The following CDH26 variants were observed in gnomAD, a reference collection of about 807,000 sequenced individuals.
The protein encoded by CDH26 is cadherin-like protein 26.
CDH26 carries 83 observed loss-of-function variants against 90.3 expected under a neutral mutation model. The observed-to-expected ratio is 0.92, with a 90% CI of 0.77 to 1.10. CDH26 has a LOEUF of 1.10. CDH26 is among the 50% of genes least tolerant of loss of function. CDH26 has a pLI of 0.00. For synonymous variants in CDH26, 397 were observed against 396.3 expected (o/e 1.00, Z -0.02); for missense variants, 1,013 against 1,037.6 (o/e 0.98, Z 0.33).
At chr20:59,975,296 G>A (rs194985) in intron 4 of CDH26, among the ~76,000 whole-genome samples, 7,014 of 152,152 alleles carry the variant, frequency 0.046, 513 homozygotes, top group African/African-American at 0.15. Context: ...AGAGACAGAC[G>A]CAGAGGAGAA....
chr20:59,979,483 C>T (rs895851374), intron 4 of CDH26, among the ~76,000 whole-genome samples: 14 of 151,554 alleles, frequency 9.2e-5, no homozygotes, highest in South Asian at 6.3e-4. Flanking sequence ...AGGCGTGAGC[C>T]GCCGTGCCCA....
intron 7 of CDH26, among the ~76,000 whole-genome samples, chr20:60,029,826 T>C (rs2146035451): frequency 6.6e-6 from 1 of 152,288 alleles, no homozygotes; most frequent in East Asian, 1.9e-4. Flanking sequence ...CATTCTTTTT[T>C]ACGGCTGCAT....
chr20:59,994,150 A>T, intron 10 of CDH26, 100 bp from the exon 11 acceptor site: 2 of 1,462,834 alleles, frequency 1.4e-6, no homozygotes, highest in Non-Finnish European at 1.9e-6. Context: ...CAGTTCCAGT[A>T]TTTCAGGAAT....
intron 1 of CDH26, among the ~76,000 whole-genome samples, chr20:59,967,897 C>CT (rs1172515963): frequency 2.3e-4 from 28 of 120,850 alleles, no homozygotes; most frequent in Middle Eastern, 3.8e-3. Flanking sequence ...TCCTTCCTTC[C>CT]TTCCTTCCTT....
intron 4 of CDH26, among the ~76,000 whole-genome samples, chr20:59,978,835 A>G (rs899208541): frequency 6.6e-6 from 1 of 152,204 alleles, no homozygotes. Context: ...CACTTATTAG[A>G]TTTGATATGA....
At chr20:60,000,392 G>A (rs2061660374) in intron 14 of CDH26, among the ~76,000 whole-genome samples, 1 of 152,242 alleles carries the variant, frequency 6.6e-6, no homozygotes, top group South Asian at 2.1e-4. Flanking sequence ...AAATGAGCAT[G>A]TGCCTGGCCA....
exon 9 of CDH26, chr20:60,033,881 C>T: frequency 1.6e-6 from 1 of 618,972 alleles, no homozygotes; most frequent in South Asian, 3.2e-5. Context: ...TGGCAGTTCA[C>T]CATGTTTCTC....
At chr20:59,969,788 G>A (rs911836338) in intron 2 of CDH26, among the ~76,000 whole-genome samples, 2 of 152,218 alleles carry the variant, frequency 1.3e-5, no homozygotes, top group African/African-American at 4.8e-5. Flanking sequence ...CTATAGGACA[G>A]CCATTGGCAC....
rs2062015198 is a variant in CDH26, at chr20:60,028,419, G to C, written c.948-2812G>C. Among the ~76,000 whole-genome samples the C allele has an allele frequency of 3.3e-5, 5 of 152,248 alleles. No homozygotes were observed. The South Asian group carries it at 1.0e-3, about 31-fold the overall frequency. On this transcript the variant is annotated intron_variant, in intron 7 of 8. Coordinates refer to the CDH26 transcript ENST00000370991. Reference sequence around the variant, plus strand: ...GGAACTGGTTGTGGCTGAATCCCCAGGGCCTGACATGTAGTAGGCACTCTA... The same window carrying C: ...GGAACTGGTTGTGGCTGAATCCCCACGGCCTGACATGTAGTAGGCACTCTA...
intron 4 of CDH26, among the ~76,000 whole-genome samples, chr20:59,973,992 G>A (rs2061296792): frequency 6.6e-6 from 1 of 152,196 alleles, no homozygotes; most frequent in African/African-American, 2.4e-5. Context: ...AATGGTTGAA[G>A]TAATTTACAC....
At position 59,977,830 on chromosome 20, in the gene CDH26, C is replaced by T. The variant is rs1036297929; in HGVS notation, c.394-5093C>T. 4.9e-4 allele frequency among the ~76,000 whole-genome samples: 74 copies of T among 152,146 alleles called. 2 individuals are homozygous for T. The highest frequency in any genetic ancestry group is 3.7e-3 in the Admixed American group (56 of 15,274). ...ATTAGGCTTCACTCTTGGCATCTTA[C>T]GTTTTATGGGTTTCGACAAATGTGT... On this transcript the variant is annotated intron_variant, in intron 4 of 17. Transcript: ENST00000348616.
At position 60,029,833 on chromosome 20, in the gene CDH26, G is replaced by A. The variant is rs539003869; in HGVS notation, c.948-1398G>A. On this transcript the variant is annotated intron_variant, in intron 7 of 8. Coordinates refer to the CDH26 transcript ENST00000370991. ...CATGAACTCATTCTTTTTTACGGCTGCATAGTATTCCACGGTGTATATGTG... is the reference window on the plus strand; with the variant it reads ...CATGAACTCATTCTTTTTTACGGCTACATAGTATTCCACGGTGTATATGTG... Among the ~76,000 whole-genome samples the A allele has an allele frequency of 3.9e-3, 593 of 152,152 alleles. 3 individuals carry two copies. The highest frequency in any genetic ancestry group is 0.014 in the African/African-American group (561 of 41,486).
intron 5 of CDH26, among the ~76,000 whole-genome samples, chr20:59,983,875 A>G (rs1189831102): frequency 6.6e-6 from 1 of 152,116 alleles, no homozygotes; most frequent in Non-Finnish European, 1.5e-5. Context: ...GTAACCTGAT[A>G]TTTTTCTAAA....
Position 59,978,012 on chromosome 20 carries a change from A to G in CDH26, c.394-4911A>G, listed in dbSNP as rs537178615. Reference sequence around the variant, plus strand: ...TCCAGAAGGTTATATAGTTGGAATCATACACTATGTAGCCTTTTCAGACTG... The same window carrying G: ...TCCAGAAGGTTATATAGTTGGAATCGTACACTATGTAGCCTTTTCAGACTG... On this transcript the variant is annotated intron_variant, in intron 4 of 17. Coordinates refer to ENST00000348616, the MANE Select transcript of CDH26 (RefSeq NM_177980.4). 3.9e-5 allele frequency among the ~76,000 whole-genome samples: 6 copies of G among 152,292 alleles called. No individual in the cohort carries two copies. The East Asian group carries it at 1.2e-3, about 29-fold the overall frequency.
At chr20:59,999,981 C>G (rs75858851) in intron 14 of CDH26, among the ~76,000 whole-genome samples, 2,382 of 152,276 alleles carry the variant, frequency 0.016, 35 homozygotes, top group Non-Finnish European at 0.025. Context: ...TCTTAAGACA[C>G]TTTTTTCTTA....
At position 59,988,994 on chromosome 20, in the gene CDH26, C is replaced by T; in HGVS notation, c.1114C>T (p.Gln372Ter). The T allele has an allele frequency of 9.9e-6, 16 of 1,614,218 alleles. No homozygotes were observed. Among genetic ancestry groups the T allele is most frequent in the Non-Finnish European group, 1.4e-5 (16 of 1,180,046 alleles). ...CGTCTTCTGTGAGAGAGGAAAGCTTCAGCCGCCAAGGAAGGCAGCAGCCAG... is the reference window on the plus strand; with the variant it reads ...CGTCTTCTGTGAGAGAGGAAAGCTTTAGCCGCCAAGGAAGGCAGCAGCCAG... ...RLVFCERGKL[Q>*]PPRKAAASAT... The change falls in exon 9 of 18, where the codon CAG becomes TAG. Residue 372 changes from glutamine to a stop codon, truncating the protein, a stop_gained. Transcript: ENST00000348616. LOFTEE classifies it high-confidence loss of function.
At chr20:60,008,040 T>C (rs572068015) in intron 17 of CDH26, among the ~76,000 whole-genome samples, 181 of 152,106 alleles carry the variant, frequency 1.2e-3, no homozygotes, top group African/African-American at 4.2e-3. Flanking sequence ...CATGCTCGTG[T>C]CATGGAGGCT....
At position 59,996,640 on chromosome 20, in the gene CDH26, T is replaced by C. The variant is rs375217803; in HGVS notation, c.1898T>C (p.Leu633Pro). The C allele has an allele frequency of 6.2e-7, 1 of 1,614,216 alleles. No individual in the cohort carries two copies. Among genetic ancestry groups the C allele is most frequent in the African/African-American group, 1.3e-5 (1 of 75,056 alleles). The change falls in exon 13 of 18, where the codon CTT (leucine) becomes CCT (proline). Residue 633 changes from leucine to proline, a missense_variant. Transcript: ENST00000348616. ...CTTTGTCTTATAACAGTGGCTCTGC[T>C]TTTTCTGTTGCGATGCTATTTTGTG... ...AAFVALAVAL[L>P]FLLRCYFVLE...
chr20:59,984,616 C>T (rs1236412995), intron 5 of CDH26, 23 bp from the exon 6 acceptor site: 1 of 1,597,914 alleles, frequency 6.3e-7, no homozygotes, highest in South Asian at 1.1e-5. Flanking sequence ...CTGATAGTAA[C>T]AATTTTTAAA....
Sources: allele counts gnomAD v4.1 joint callset (sites outside exome capture counted in the v4.1 genomes callset), GRCh38; gene constraint gnomAD v4.1.1; transcripts MANE v1.5; gene names NCBI Gene and HGNC (gene_info 2026-07-23, HGNC 2026-07-21).